SV2C: variants seen among roughly 807,000 people sequenced by gnomAD.
SV2C encodes synaptic vesicle glycoprotein 2C.
Under a neutral mutation model 79.7 loss-of-function variants are expected in SV2C, and 49 were observed. That is an observed-to-expected ratio of 0.61 (90% confidence interval 0.49 to 0.78). SV2C has a LOEUF of 0.78. SV2C is among the 30% of genes least tolerant of loss of function. The pLI is 0.00. For synonymous variants in SV2C, 334 were observed against 333.2 expected (o/e 1.00, Z -0.03); for missense variants, 833 against 912.9 (o/e 0.91, Z 1.13).
chr5:76,156,419 G>A (rs74476915), intron 2 of SV2C, among the ~76,000 whole-genome samples: 6,130 of 152,164 alleles, frequency 0.04, 216 homozygotes, highest in Non-Finnish European at 0.064. Context: ...CCTGGAGAGA[G>A]GGAGGATCTA....
chr5:76,307,406 G>A (rs1748232563), intron 12 of SV2C, among the ~76,000 whole-genome samples: 1 of 152,096 alleles, frequency 6.6e-6, no homozygotes, highest in Non-Finnish European at 1.5e-5. Flanking sequence ...AAACAGAGGG[G>A]ACTTCCTTAT....
chr5:76,097,996 T>G (rs1429226973), intron 1 of SV2C, among the ~76,000 whole-genome samples: 1 of 152,134 alleles, frequency 6.6e-6, no homozygotes, highest in East Asian at 1.9e-4. Context: ...TCCGAAGGCT[T>G]GTCCTGTGAA....
chr5:76,090,206 A>G (rs1436384954), intron 1 of SV2C, among the ~76,000 whole-genome samples: 1 of 152,204 alleles, frequency 6.6e-6, no homozygotes, highest in Non-Finnish European at 1.5e-5. Flanking sequence ...TAACAGTCAC[A>G]CTAAGCTTCA....
chr5:76,300,429 A>T (rs915916523), intron 10 of SV2C, among the ~76,000 whole-genome samples: 7 of 152,184 alleles, frequency 4.6e-5, no homozygotes, highest in Non-Finnish European at 4.4e-5. Flanking sequence ...TAAAGGAGTA[A>T]GCAAGTAATA....
the SV2C span, among the ~76,000 whole-genome samples, chr5:75,895,830 G>T: frequency 6.6e-6 from 1 of 152,022 alleles, no homozygotes; most frequent in East Asian, 1.9e-4. Flanking sequence ...GTGGATTAAT[G>T]TTGCATTTAA....
intron 4 of SV2C, among the ~76,000 whole-genome samples, chr5:76,229,455 T>C (rs1745347715): frequency 6.6e-6 from 1 of 152,218 alleles, no homozygotes; most frequent in Non-Finnish European, 1.5e-5. Context: ...TTCTTTCCAT[T>C]TGGACTTGGA....
chr5:76,104,586 G>A (rs1209698226), intron 1 of SV2C, among the ~76,000 whole-genome samples: 1 of 152,182 alleles, frequency 6.6e-6, no homozygotes, highest in African/African-American at 2.4e-5. Flanking sequence ...AGTGAATAGA[G>A]CTTTATCAGC....
chr5:76,245,553 G>C (rs1349875234), intron 4 of SV2C, among the ~76,000 whole-genome samples: 1 of 152,186 alleles, frequency 6.6e-6, no homozygotes, highest in Non-Finnish European at 1.5e-5. Flanking sequence ...GTTCAAAAAT[G>C]TATTGATGTC....
the SV2C span, among the ~76,000 whole-genome samples, chr5:75,872,380 T>C: frequency 6.6e-6 from 1 of 152,134 alleles, no homozygotes; most frequent in African/African-American, 2.4e-5. Flanking sequence ...CCAATTTGGT[T>C]CTTCTTACAC....
downstream of SV2C, among the ~76,000 whole-genome samples, chr5:76,336,777 C>T (rs1478573269): frequency 6.6e-6 from 1 of 152,244 alleles, no homozygotes; most frequent in Non-Finnish European, 1.5e-5. Context: ...TCCTTTCTTT[C>T]CTGCTTCATG....
intron 1 of SV2C, among the ~76,000 whole-genome samples, chr5:76,116,915 G>A (rs1007330204): frequency 2.6e-5 from 4 of 152,238 alleles, no homozygotes; most frequent in East Asian, 1.9e-4. Context: ...CTCTGGGTGC[G>A]CTTGCCAGTT....
chr5:76,125,297 GA>G (rs1277952714), intron 1 of SV2C, among the ~76,000 whole-genome samples: 1 of 152,092 alleles, frequency 6.6e-6, no homozygotes, highest in Non-Finnish European at 1.5e-5. Flanking sequence ...ACACTTGAAA[GA>G]AATACTGTAT....
At chr5:75,958,644 C>A in the SV2C span, among the ~76,000 whole-genome samples, 8 of 152,142 alleles carry the variant, frequency 5.3e-5, no homozygotes, top group South Asian at 4.1e-4. Flanking sequence ...CTAGTCACTA[C>A]TTCTGGCTTT....
chr5:76,073,626 T>C, the SV2C span, among the ~76,000 whole-genome samples: 3 of 149,870 alleles, frequency 2.0e-5, no homozygotes, highest in African/African-American at 4.9e-5. Context: ...GAGACTATTA[T>C]TCTAAGTGAA....
the SV2C span, among the ~76,000 whole-genome samples, chr5:75,988,269 A>G: frequency 6.6e-6 from 1 of 152,034 alleles, no homozygotes; most frequent in South Asian, 2.1e-4. Flanking sequence ...CAGGTATTTC[A>G]GTATGTAAAT....
chr5:76,301,332 T>C, intron 11 of SV2C, 54 bp from the exon 12 acceptor site: 1 of 1,603,378 alleles, frequency 6.2e-7, no homozygotes, highest in East Asian at 2.2e-5. Context: ...CAAGGGTTCT[T>C]GCTTTACTAA....
intron 12 of SV2C, among the ~76,000 whole-genome samples, chr5:76,341,921 G>A (rs1316397117): frequency 1.3e-5 from 2 of 152,146 alleles, no homozygotes; most frequent in Non-Finnish European, 2.9e-5. Flanking sequence ...TTGCAGGACC[G>A]AATAATTCCT....
chr5:76,295,986 A>C, intron 9 of SV2C, 44 bp downstream of exon 9: 1 of 1,516,960 alleles, frequency 6.6e-7, no homozygotes, highest in Non-Finnish European at 8.8e-7. Flanking sequence ...TATTCACAAA[A>C]ACTTATTTCT....
chr5:75,913,445 A>C, the SV2C span, among the ~76,000 whole-genome samples: 1,010 of 152,346 alleles, frequency 6.6e-3, 3 homozygotes, highest in African/African-American at 9.7e-3. Context: ...AGAGGGTTTA[A>C]GTCCAGGTGC....
Sources: gnomAD v4.1 joint callset for allele counts (sites outside exome capture counted in the v4.1 genomes callset) on GRCh38, gnomAD v4.1.1 for gene constraint, MANE v1.5 for transcripts, NCBI Gene and HGNC (gene_info 2026-07-23, HGNC 2026-07-21) for gene names.